SHISA9: variants seen among roughly 807,000 people sequenced by gnomAD.
SHISA9 encodes protein shisa-9.
In SHISA9, 13 loss-of-function variants were observed where a neutral mutation model predicts 38.0. The ratio of observed to expected loss-of-function variants is 0.34; its 90% CI spans 0.22 to 0.54. The LOEUF is 0.54. SHISA9 is among the 20% of genes least tolerant of loss of function. The probability of loss-of-function intolerance (pLI) is 0.91; values close to 1 mark genes in which losing one functional copy is unlikely to be tolerated. For missense variants in SHISA9, 538 were observed against 575.8 expected, an observed-to-expected ratio of 0.93 and a Z score of 0.67; for synonymous variants, 275 against 242.0, an observed-to-expected ratio of 1.14 and a Z score of -1.27.
chr16:12,901,896 G>T lies in SHISA9; in HGVS notation c.-169G>T, dbSNP rs925489806. On this transcript the variant is annotated 5_prime_UTR_variant, in exon 1 of 5. Coordinates refer to ENST00000558583, the MANE Select transcript of SHISA9 (RefSeq NM_001145204.3). ...GGCTGAGGCGAACGCGGGCTGAGCC[G>T]AGCGCAGTGGCCGCCGACCACCGAG... 1 of 305,314 alleles carries T rather than the reference G, an allele frequency of 3.3e-6. No individual in the cohort carries two copies. Among genetic ancestry groups the T allele is most frequent in the Non-Finnish European group, 5.5e-6 (1 of 183,104 alleles). 18.9% of individuals were successfully genotyped at this position (305,314 alleles called of 1,614,324 possible).
chr16:13,093,869 G>A (rs556768432), intron 2 of SHISA9, among the ~76,000 whole-genome samples: 2 of 152,072 alleles, frequency 1.3e-5, no homozygotes, highest in East Asian at 3.9e-4. Context: ...TCAGACATTC[G>A]CTCCTCTGGC....
At chr16:13,453,383 G>A in the SHISA9 span, among the ~76,000 whole-genome samples, 1 of 152,176 alleles carries the variant, frequency 6.6e-6, no homozygotes, top group Non-Finnish European at 1.5e-5. Flanking sequence ...GGAAATGTGA[G>A]CTATTTTGTA....
the SHISA9 span, among the ~76,000 whole-genome samples, chr16:13,301,748 T>C: frequency 6.6e-6 from 1 of 152,062 alleles, no homozygotes; most frequent in African/African-American, 2.4e-5. Flanking sequence ...TGAATGAAGT[T>C]GGGAGGAGAG....
At chr16:13,050,135 A>C (rs1464141009) in intron 2 of SHISA9, among the ~76,000 whole-genome samples, 1 of 152,186 alleles carries the variant, frequency 6.6e-6, no homozygotes, top group Non-Finnish European at 1.5e-5. Context: ...TAAGTTTTTA[A>C]AATGCATGGT....
chr16:13,325,326 G>A, the SHISA9 span, among the ~76,000 whole-genome samples: 17 of 152,262 alleles, frequency 1.1e-4, no homozygotes, highest in Admixed American at 1.0e-3. Flanking sequence ...AGCTTGTTTT[G>A]TCAGTCTTAA....
the SHISA9 span, among the ~76,000 whole-genome samples, chr16:13,261,655 A>G: frequency 6.6e-6 from 1 of 152,212 alleles, no homozygotes; most frequent in East Asian, 1.9e-4. Flanking sequence ...CACTGTTTAC[A>G]AAATTTTATA....
chr16:13,051,984 C>T (rs1262696621), intron 2 of SHISA9, among the ~76,000 whole-genome samples: 4 of 152,074 alleles, frequency 2.6e-5, no homozygotes, highest in African/African-American at 7.2e-5. Flanking sequence ...AGGCTGGTCT[C>T]GAACTCCTGA....
chr16:13,427,953 T>G, the SHISA9 span, among the ~76,000 whole-genome samples: 1 of 152,182 alleles, frequency 6.6e-6, no homozygotes, highest in African/African-American at 2.4e-5. Context: ...TTAGAGCGCA[T>G]TGAATGATTT....
the SHISA9 span, among the ~76,000 whole-genome samples, chr16:13,354,632 G>A: frequency 7.0e-6 from 1 of 143,864 alleles, no homozygotes; most frequent in Non-Finnish European, 1.6e-5. Flanking sequence ...GCCTCTAAAA[G>A]TATTAAAGCA....
At chr16:13,460,066 C>T in the SHISA9 span, among the ~76,000 whole-genome samples, 1 of 152,142 alleles carries the variant, frequency 6.6e-6, no homozygotes, top group African/African-American at 2.4e-5. Context: ...AGCCACCACA[C>T]GCAGCCTATA....
intron 2 of SHISA9, among the ~76,000 whole-genome samples, chr16:13,151,232 G>A (rs1260358301): frequency 6.6e-6 from 1 of 152,078 alleles, no homozygotes; most frequent in Non-Finnish European, 1.5e-5. Context: ...TCAGCCTCCT[G>A]AGGAGCTGGG....
At chr16:13,077,687 T>C (rs1335036175) in intron 2 of SHISA9, among the ~76,000 whole-genome samples, 1 of 152,164 alleles carries the variant, frequency 6.6e-6, no homozygotes, top group Non-Finnish European at 1.5e-5. Context: ...GGAGTTGGCA[T>C]GTGACTCTCA....
intron 2 of SHISA9, among the ~76,000 whole-genome samples, chr16:13,123,399 G>C (rs781691755): frequency 2.0e-5 from 3 of 152,248 alleles, no homozygotes; most frequent in Non-Finnish European, 4.4e-5. Flanking sequence ...TCCATTGGGA[G>C]TGGCTGCTCG....
chr16:13,076,677 A>AT (rs1171273269), intron 2 of SHISA9, among the ~76,000 whole-genome samples: 3 of 152,180 alleles, frequency 2.0e-5, no homozygotes, highest in African/African-American at 7.2e-5. Context: ...CCTCCAAGGC[A>AT]TGCTGGAAGC....
At chr16:13,186,288 C>CTTTTTTTTTTTTT (rs113608898) in intron 2 of SHISA9, among the ~76,000 whole-genome samples, 1 of 104,272 alleles carries the variant, frequency 9.6e-6, no homozygotes, top group African/African-American at 3.9e-5. Context: ...CCATCTTAAC[C>CTTTTTTTTTTTTT]TTTTTTTTTT....
chr16:13,264,442 G>A, the SHISA9 span, among the ~76,000 whole-genome samples: 2 of 152,196 alleles, frequency 1.3e-5, no homozygotes, highest in African/African-American at 2.4e-5. Flanking sequence ...CAAAGTGCTA[G>A]GATTACAGGC....
In SHISA9 at chr16:13,112,311, A is replaced by G. The variant is rs369353051; in HGVS notation, c.692-91083A>G. Among the ~76,000 whole-genome samples, 381 of 152,198 alleles carry G rather than the reference A, an allele frequency of 2.5e-3. 1 individual carries two copies. Among genetic ancestry groups the G allele is most frequent in the African/African-American group, 8.6e-3 (358 of 41,508 alleles). On this transcript the variant is annotated intron_variant, in intron 2 of 4. Coordinates refer to ENST00000558583, the MANE Select transcript of SHISA9 (RefSeq NM_001145204.3). ...GCAGGGAGGAGAGAAGGGAAAAAAT[A>G]AGAGAAAGAGGGAAGAAAGCAAGAA...
the SHISA9 span, among the ~76,000 whole-genome samples, chr16:13,526,477 G>T: frequency 6.6e-6 from 1 of 152,138 alleles, no homozygotes; most frequent in African/African-American, 2.4e-5. Context: ...TCTGCCTCCT[G>T]GGTTCAAGCG....
At chr16:12,907,194 G>GTCCC (rs1162796024) in intron 1 of SHISA9, among the ~76,000 whole-genome samples, 2 of 81,204 alleles carry the variant, frequency 2.5e-5, no homozygotes, top group African/African-American at 9.8e-5. Context: ...CCCTCCCTCC[G>GTCCC]TCCCTCCCTC....
Sources: allele counts gnomAD v4.1 joint callset (sites outside exome capture counted in the v4.1 genomes callset), GRCh38; gene constraint gnomAD v4.1.1; transcripts MANE v1.5; gene names NCBI Gene and HGNC (gene_info 2026-07-23, HGNC 2026-07-21).